Variants in IKZF4 observed in about 807,000 individuals in gnomAD.
IKZF4 encodes zinc finger protein Eos.
A neutral mutation model predicts 47.7 loss-of-function variants in IKZF4; 11 were observed. The ratio of observed to expected loss-of-function variants is 0.23; its 90% CI spans 0.15 to 0.38. The LOEUF (loss-of-function observed/expected upper bound fraction) is 0.38, where lower values mean the gene tolerates loss of function less well. Ranked by LOEUF, IKZF4 falls within the 10% of genes least tolerant of loss-of-function variation. The pLI is 1.00. For missense variants in IKZF4, 557 were observed against 784.9 expected (o/e 0.71, Z 3.47); for synonymous variants, 298 against 299.4 (o/e 1.00, Z 0.05).
rs1489324274 is a variant in IKZF4, at chr12:56,034,723, C to T, written c.1150C>T (p.Leu384Phe). The change falls in exon 8 of 8, where the codon CTC becomes TTC. Residue 384 changes from leucine (L) to phenylalanine (F), a missense_variant. Coordinates refer to ENST00000547167, the MANE Select transcript of IKZF4 (RefSeq NM_022465.4). ...TGTGGGTGCAGAGCATCTGCGTCCC[C>T]TCCGCCTTCCACCCACCAATTGCAT... is the stretch of plus-strand genomic sequence containing the variant. ...AFVGAEHLRP[L>F]RLPPTNCISE... 6.2e-7 allele frequency: 1 copy of T among 1,614,034 alleles called. No individual in the cohort carries two copies. Among genetic ancestry groups the T allele is most frequent in the African/African-American group, 1.3e-5 (1 of 75,052 alleles).
In IKZF4 at chr12:56,021,173, G is replaced by A; in HGVS notation, c.-321G>A. 5 of 1,389,752 alleles carry A rather than the reference G, an allele frequency of 3.6e-6. No homozygotes were observed. The highest frequency in any genetic ancestry group is 3.2e-5 in the South Asian group (2 of 61,696). The allele number at this position is 1,389,752 out of a possible 1,614,324, so 86.1% of individuals were successfully genotyped here. The stretch of plus-strand genomic sequence containing the variant: ...CACCCCCTTCACTGTCTTGGAAAAG[G>A]GATGCTGTAGCCTAGCATCTCCCCC... On this transcript the variant is annotated 5_prime_UTR_variant, in exon 1 of 8. Coordinates refer to ENST00000547167, the MANE Select transcript of IKZF4 (RefSeq NM_022465.4).
upstream of IKZF4, among the ~76,000 whole-genome samples, chr12:56,016,478 G>C (rs934386766): frequency 1.3e-4 from 19 of 145,818 alleles, no homozygotes; most frequent in Admixed American, 1.3e-3. Context: ...CTGGAGTGCA[G>C]TGGCAGGATC....
At chr12:56,018,209 G>T, upstream of IKZF4, 1 of 1,286,048 alleles carries the variant, frequency 7.8e-7, no homozygotes, top group Non-Finnish European at 1.0e-6. Context: ...TTTGTTAGGG[G>T]CTGGAAGCAG....
At chr12:56,023,582 A>T (rs180711802) in intron 1 of IKZF4, 89 bp from the exon 2 acceptor site, 20 of 1,458,270 alleles carry the variant, frequency 1.4e-5, no homozygotes, top group East Asian at 4.8e-5. Context: ...TTGACGGGAT[A>T]GAATGGGGAA....
rs527767295 is a variant in IKZF4 at position 56,024,832 on chromosome 12, G to A, written c.182-222G>A. The A allele has an allele frequency of 4.9e-6, 7 of 1,414,652 alleles. No homozygotes were observed. The East Asian group carries it at 1.4e-4, about 29-fold the overall frequency. The allele number at this position is 1,414,652 out of a possible 1,614,324, so 87.6% of individuals were successfully genotyped here. On this transcript the variant is annotated intron_variant, in intron 2 of 7. Coordinates refer to ENST00000547167, the MANE Select transcript of IKZF4 (RefSeq NM_022465.4). Reference sequence around the variant, plus strand: ...GCTCTTGCCCTCAGGCCTAGATAAAGGTAGGGTAGGCAAGGCCCAGCCACT... The same window carrying A: ...GCTCTTGCCCTCAGGCCTAGATAAAAGTAGGGTAGGCAAGGCCCAGCCACT...
Position 56,035,446 on chromosome 12 carries a change from T to C in IKZF4, c.*115T>C, listed in dbSNP as rs1354112629. On this transcript the variant is annotated 3_prime_UTR_variant, in exon 8 of 8. Coordinates refer to ENST00000547167, the MANE Select transcript of IKZF4 (RefSeq NM_022465.4). The surrounding 1 kb of genome is among the most constrained non-coding windows in gnomAD (Gnocchi z 6.1). ...TTTGTAGCCCTCACTACTGGCCACC[T>C]GACCTCACACCTGACCCTGACCCCT... 9.1e-7 allele frequency: 1 copy of C among 1,101,756 alleles called. No individual in the cohort carries two copies. The highest frequency in any genetic ancestry group is 1.3e-6 in the Non-Finnish European group (1 of 762,082). 68.2% of individuals were successfully genotyped at this position (1,101,756 alleles called of 1,614,324 possible).
upstream of IKZF4, among the ~76,000 whole-genome samples, chr12:56,016,683 GC>G (rs758370835): frequency 6.6e-6 from 1 of 151,678 alleles, no homozygotes; most frequent in Admixed American, 6.6e-5. Context: ...CGCAACCTCC[GC>G]CTCCTGGGTT....
intron 3 of IKZF4, among the ~76,000 whole-genome samples, chr12:56,026,561 T>A (rs180986962): frequency 1.4e-4 from 21 of 151,896 alleles, no homozygotes; most frequent in Non-Finnish European, 2.6e-4. Context: ...TGATGGTACA[T>A]GCCTGTAATC....
chr12:56,034,459 C>T (rs942175420), intron 7 of IKZF4, 112 bp from the exon 8 acceptor site: 7 of 1,105,064 alleles, frequency 6.3e-6, no homozygotes, highest in African/African-American at 4.7e-5. Context: ...GTAAATGCCA[C>T]GTAGTAAATA....
At chr12:56,023,045 C>T (rs971145843) in intron 1 of IKZF4, among the ~76,000 whole-genome samples, 12 of 152,140 alleles carry the variant, frequency 7.9e-5, no homozygotes, top group African/African-American at 2.9e-4. Context: ...GTGATCCGCC[C>T]GCCTCGGCCT....
At position 56,038,065 on chromosome 12, in the gene IKZF4, T is replaced by C. The variant is rs1286211312; in HGVS notation, c.*2734T>C. 4.0e-5 allele frequency: 6 copies of C among 148,462 alleles called. No individual in the cohort carries two copies. The highest frequency in any genetic ancestry group is 2.1e-4 in the South Asian group (1 of 4,792). The allele number at this position is 148,462 out of a possible 1,614,324, so 9.2% of individuals were successfully genotyped here. Reference sequence around the variant, plus strand: ...TCCTTGTGTACATAATATATATATATACATATATATATATATTTTTAATCA... The same window carrying C: ...TCCTTGTGTACATAATATATATATACACATATATATATATATTTTTAATCA... On this transcript the variant is annotated 3_prime_UTR_variant, in exon 8 of 8. Transcript: ENST00000547167.
At chr12:56,022,837 T>C (rs1893270721) in intron 1 of IKZF4, among the ~76,000 whole-genome samples, 1 of 149,352 alleles carries the variant, frequency 6.7e-6, no homozygotes, top group South Asian at 2.1e-4. Flanking sequence ...TCTCGCTCTG[T>C]CGCCCAGGCT....
chr12:56,017,768 G>A (rs1892312571), upstream of IKZF4, among the ~76,000 whole-genome samples: 1 of 152,142 alleles, frequency 6.6e-6, no homozygotes, highest in Non-Finnish European at 1.5e-5. Context: ...ACAGCTCACT[G>A]CAGCCTCGAC....
Position 56,037,067 on chromosome 12 carries a change from G to C in IKZF4, c.*1736G>C, listed in dbSNP as rs1178020567. 6.6e-6 allele frequency: 1 copy of C among 151,912 alleles called. No individual in the cohort carries two copies. Among genetic ancestry groups the C allele is most frequent in the Non-Finnish European group, 1.5e-5 (1 of 68,010 alleles). The allele number at this position is 151,912 out of a possible 1,614,324, so 9.4% of individuals were successfully genotyped here. A position where few individuals can be genotyped will look rare whatever the true frequency, so the allele number is the denominator to read the frequency against. ...CTCCTACTTTTCTCACTCCCTATCA[G>C]GGATATTTTGGGGGGGGATGGTAAA... On this transcript the variant is annotated 3_prime_UTR_variant, in exon 8 of 8. Coordinates refer to ENST00000547167, the MANE Select transcript of IKZF4 (RefSeq NM_022465.4).
At position 56,034,888 on chromosome 12, in the gene IKZF4, C is replaced by A. The variant is rs759089421; in HGVS notation, c.1315C>A (p.Arg439=). Reference sequence around the variant, plus strand: ...TGGAGGTCCCCTCCTCTACCGGCCCCGAGGCCCCCTGACTGACCCTGGGGC... The same window carrying A: ...TGGAGGTCCCCTCCTCTACCGGCCCAGAGGCCCCCTGACTGACCCTGGGGC... ...ADGGPLLYRP[R]GPLTDPGASP... The change falls in exon 8 of 8, where the codon CGA becomes AGA. Residue 439 remains arginine, a synonymous_variant. Transcript: ENST00000547167. The A allele has an allele frequency of 6.2e-7, 1 of 1,607,958 alleles. No individual in the cohort carries two copies. The highest frequency in any genetic ancestry group is 8.5e-7 in the Non-Finnish European group (1 of 1,176,906).
rs759172907 is a variant in IKZF4 at position 56,026,841 on chromosome 12, A to G, written c.347A>G (p.Asp116Gly). The G allele has an allele frequency of 1.5e-5, 24 of 1,611,948 alleles. No homozygotes were observed. Among genetic ancestry groups the G allele is most frequent in the Non-Finnish European group, 2.0e-5 (24 of 1,179,140 alleles). Residue 116 changes from aspartate to glycine, a missense_variant, in exon 4 of 8, where the codon GAT becomes GGT. Around this residue, in one of 6 missense-constraint regions of IKZF4, gnomAD observed 112 missense variants for 168.2 expected, o/e 0.67. Coordinates refer to ENST00000547167, the MANE Select transcript of IKZF4 (RefSeq NM_022465.4). ...GAGTCAAGCAGACTGCTGGGGCCAG[A>G]TGAGCGGCTCCTGGAAAAGGACGAC... The part of the protein sequence containing the change: ...DEESSRLLGP[D>G]ERLLEKDDSV...
rs996342533 is a variant in IKZF4, at chr12:56,034,667, T to G, written c.1094T>G (p.Leu365Arg). ...GTGGAGTTGGTGGCACACCACAGCC[T>G]AGAGCCTGGCTTTGGAAGTTCCCTG... ...KDVELVAHHS[L>R]EPGFGSSLAF... The change falls in exon 8 of 8, where the codon CTA (leucine) becomes CGA (arginine). Residue 365 changes from leucine to arginine, a missense_variant. By Grantham distance (102) the Leu-to-Arg change is moderately radical. Transcript: ENST00000547167. The G allele has an allele frequency of 6.2e-7, 1 of 1,613,942 alleles. No individual in the cohort carries two copies. The highest frequency in any genetic ancestry group is 1.3e-5 in the African/African-American group (1 of 74,934).
rs1205713658 is a variant in IKZF4, at chr12:56,022,851, G to A, written c.88-820G>A. Among the ~76,000 whole-genome samples the A allele has an allele frequency of 2.7e-5, 4 of 147,162 alleles. No homozygotes were observed. In the East Asian group the frequency reaches 8.0e-4, roughly 29 times the overall value. On this transcript the variant is annotated intron_variant, in intron 1 of 7. Transcript: ENST00000547167. ...GTCTCGCTCTGTCGCCCAGGCTGGA[G>A]TGCAGTGGCGCGATCTCGGCTCACT...
At chr12:56,013,393 G>A (rs992586588) in intron 2 of IKZF4, among the ~76,000 whole-genome samples, 1 of 151,914 alleles carries the variant, frequency 6.6e-6, no homozygotes, top group African/African-American at 2.4e-5. Flanking sequence ...ATGGGGTTTC[G>A]CCACGTTGGC....
Sources: allele counts gnomAD v4.1 joint callset (sites outside exome capture counted in the v4.1 genomes callset), GRCh38; gene constraint gnomAD v4.1.1; regional missense constraint gnomAD v4.1.1; non-coding constraint Gnocchi (gnomAD v3.1); transcripts MANE v1.5; gene names NCBI Gene and HGNC (gene_info 2026-07-23, HGNC 2026-07-21).